The following TMEM132C variants were observed in gnomAD, a reference collection of about 807,000 sequenced individuals.
TMEM132C encodes transmembrane protein 132C, also known as protein phosphatase 1, regulatory subunit 152.
TMEM132C carries 29 observed loss-of-function variants against 61.4 expected under a neutral mutation model. That is an observed-to-expected ratio of 0.47 (90% CI 0.35 to 0.64). The LOEUF is 0.64. Ranked by LOEUF, TMEM132C falls within the 30% of genes least tolerant of loss-of-function variation. The pLI is 0.00. For synonymous variants in TMEM132C, 656 were observed against 633.1 expected (o/e 1.04, Z -0.54); for missense variants, 1,408 against 1,476.9 (o/e 0.95, Z 0.76).
intron 2 of TMEM132C, among the ~76,000 whole-genome samples, chr12:128,485,491 T>C (rs2136095050): frequency 6.6e-6 from 1 of 152,250 alleles, no homozygotes; most frequent in East Asian, 1.9e-4. Context: ...ATTTAACTCT[T>C]AAGTGGTTCT....
At chr12:128,409,117 T>C (rs997193025) in intron 1 of TMEM132C, among the ~76,000 whole-genome samples, 28 of 152,286 alleles carry the variant, frequency 1.8e-4, no homozygotes, top group African/African-American at 6.3e-4. Flanking sequence ...AAGTTAGCAA[T>C]TGCGGCAGTT....
chr12:128,312,342 C>G (rs1256167905), intron 1 of TMEM132C, among the ~76,000 whole-genome samples: 1 of 152,166 alleles, frequency 6.6e-6, no homozygotes, highest in East Asian at 1.9e-4. Flanking sequence ...AGGTCTTGCT[C>G]TGTTGCCCAG....
At chr12:128,523,811 G>GAAA (rs1555229605) in intron 2 of TMEM132C, among the ~76,000 whole-genome samples, 2 of 100,072 alleles carry the variant, frequency 2.0e-5, no homozygotes, top group African/African-American at 6.8e-5. Context: ...ACAAGCCCAG[G>GAAA]AAAAAAAAAA....
chr12:128,594,701 C>T (rs950776527), intron 3 of TMEM132C, among the ~76,000 whole-genome samples: 5 of 152,192 alleles, frequency 3.3e-5, no homozygotes, highest in Admixed American at 1.3e-4. Flanking sequence ...CCATTTCCAG[C>T]GTGAACACAG....
intron 1 of TMEM132C, among the ~76,000 whole-genome samples, chr12:128,296,257 C>T (rs10773522): frequency 0.27 from 41,669 of 152,114 alleles, 6,613 homozygotes; most frequent in Middle Eastern, 0.36. Context: ...AATAACAACA[C>T]GAATACAGTC....
At chr12:128,442,246 T>A (rs1231025124) in intron 2 of TMEM132C, among the ~76,000 whole-genome samples, 1 of 152,206 alleles carries the variant, frequency 6.6e-6, no homozygotes, top group African/African-American at 2.4e-5. Flanking sequence ...TTCTGATTGA[T>A]TTCTCCTTCA....
At chr12:128,549,861 G>GA (rs200538143) in intron 3 of TMEM132C, among the ~76,000 whole-genome samples, 4,438 of 152,224 alleles carry the variant, frequency 0.029, 257 homozygotes, top group African/African-American at 0.1. Context: ...TGCATGGGGG[G>GA]AACCGAGACA....
At chr12:128,492,698 G>C (rs1042330655) in intron 2 of TMEM132C, among the ~76,000 whole-genome samples, 14 of 152,162 alleles carry the variant, frequency 9.2e-5, no homozygotes, top group African/African-American at 2.9e-4. Flanking sequence ...TGATGGGGTT[G>C]TTTGTTTTTT....
At chr12:128,436,941 A>G (rs1869616080) in intron 2 of TMEM132C, among the ~76,000 whole-genome samples, 2 of 152,218 alleles carry the variant, frequency 1.3e-5, no homozygotes, top group South Asian at 2.1e-4. Flanking sequence ...TGTGGCACAT[A>G]TACACCATGG....
chr12:128,458,020 T>A (rs1005601702), intron 2 of TMEM132C, among the ~76,000 whole-genome samples: 2 of 152,068 alleles, frequency 1.3e-5, no homozygotes, highest in African/African-American at 4.8e-5. Flanking sequence ...TCAATTTTAG[T>A]TCAACAATTT....
intron 2 of TMEM132C, among the ~76,000 whole-genome samples, chr12:128,467,994 A>G (rs1425389888): frequency 6.6e-6 from 1 of 152,234 alleles, no homozygotes; most frequent in African/African-American, 2.4e-5. Flanking sequence ...TCTGTGATGC[A>G]GTGTGCAAGG....
At chr12:128,621,702 C>G (rs1039976210) in intron 4 of TMEM132C, among the ~76,000 whole-genome samples, 1 of 152,166 alleles carries the variant, frequency 6.6e-6, no homozygotes, top group Non-Finnish European at 1.5e-5. Context: ...GTGTGTCTTG[C>G]GGGCGTGTGG....
At chr12:128,541,095 T>G (rs2136145253) in intron 2 of TMEM132C, among the ~76,000 whole-genome samples, 1 of 152,256 alleles carries the variant, frequency 6.6e-6, no homozygotes, top group African/African-American at 2.4e-5. Flanking sequence ...GACCTCATCC[T>G]CAGGTTTGAT....
chr12:128,482,631 T>C (rs1360510498), intron 2 of TMEM132C, among the ~76,000 whole-genome samples: 1 of 152,186 alleles, frequency 6.6e-6, no homozygotes, highest in African/African-American at 2.4e-5. Flanking sequence ...GGTAGGCTAT[T>C]AATTACTGCC....
intron 1 of TMEM132C, among the ~76,000 whole-genome samples, chr12:128,297,237 A>G (rs1871442193): frequency 6.6e-6 from 1 of 152,126 alleles, no homozygotes; most frequent in Non-Finnish European, 1.5e-5. Flanking sequence ...TATGGTATTG[A>G]CTGCTTGGCT....
At chr12:128,530,704 A>G (rs1260347593) in intron 2 of TMEM132C, among the ~76,000 whole-genome samples, 2 of 152,194 alleles carry the variant, frequency 1.3e-5, no homozygotes, top group African/African-American at 2.4e-5. Flanking sequence ...TGGCCTCCCA[A>G]AGTGCTGGGA....
intron 2 of TMEM132C, among the ~76,000 whole-genome samples, chr12:128,455,971 G>C (rs1870325989): frequency 6.6e-6 from 1 of 152,206 alleles, no homozygotes; most frequent in Non-Finnish European, 1.5e-5. Context: ...TTTCAGTCTT[G>C]TACTCTGGAA....
At position 128,306,350 on chromosome 12, in the gene TMEM132C, C is replaced by T. The variant is rs544623319; in HGVS notation, c.85+38863C>T. On this transcript the variant is annotated intron_variant, in intron 1 of 8. Coordinates refer to ENST00000435159, the MANE Select transcript of TMEM132C (RefSeq NM_001136103.3). The stretch of plus-strand genomic sequence containing the variant: ...CCGAGTAGCTGGGACTACAGGTGCC[C>T]GCCACCACGCCTGGCTAATTTTTTG... Among the ~76,000 whole-genome samples the T allele has an allele frequency of 2.0e-3, 304 of 151,982 alleles. 2 individuals are homozygous for T. The highest frequency in any genetic ancestry group is 6.9e-3 in the African/African-American group (286 of 41,440).
chr12:128,306,206 CTTT>C (rs34273117), intron 1 of TMEM132C, among the ~76,000 whole-genome samples: 1 of 136,930 alleles, frequency 7.3e-6, no homozygotes, highest in Admixed American at 7.4e-5. Context: ...TGAAGAAATT[CTTT>C]TTTTTTTTTT....
Sources: allele counts gnomAD v4.1 joint callset (sites outside exome capture counted in the v4.1 genomes callset), GRCh38; gene constraint gnomAD v4.1.1; transcripts MANE v1.5; gene names NCBI Gene and HGNC (gene_info 2026-07-23, HGNC 2026-07-21).